Variants in TMPRSS9 observed in about 807,000 individuals in gnomAD.
TMPRSS9 encodes transmembrane protease serine 9.
TMPRSS9 carries 113 observed loss-of-function variants against 111.4 expected under a neutral mutation model. The observed-to-expected ratio is 1.01, with a 90% CI of 0.87 to 1.19. The LOEUF (loss-of-function observed/expected upper bound fraction) is 1.19, where lower values mean the gene tolerates loss of function less well. TMPRSS9 is among the 50% of genes most tolerant of loss of function. TMPRSS9 has a pLI of 0.00. For missense variants in TMPRSS9, 1,803 were observed against 1,513.1 expected, an observed-to-expected ratio of 1.19 and a Z score of -3.18; for synonymous variants, 805 against 659.1, an observed-to-expected ratio of 1.22 and a Z score of -3.39.
intron 1 of TMPRSS9, among the ~76,000 whole-genome samples, chr19:2,363,143 G>A (rs1404003770): frequency 6.6e-6 from 1 of 152,226 alleles, no homozygotes; most frequent in East Asian, 1.9e-4. Flanking sequence ...GCGTGTGAAC[G>A]TGAGTTGGGG....
chr19:2,371,982 C>G (rs1230676901), intron 1 of TMPRSS9, among the ~76,000 whole-genome samples: 1 of 152,138 alleles, frequency 6.6e-6, no homozygotes, highest in Non-Finnish European at 1.5e-5. Context: ...CTCACTGCAA[C>G]CTCCGTCTCC....
intron 4 of TMPRSS9, among the ~76,000 whole-genome samples, chr19:2,401,490 G>A (rs112694896): frequency 1.7e-3 from 263 of 152,318 alleles, no homozygotes; most frequent in African/African-American, 5.9e-3. Context: ...CTGAGGATCG[G>A]TGTTGAAGTA....
At chr19:2,392,345 A>G (rs1970615813) in intron 1 of TMPRSS9, among the ~76,000 whole-genome samples, 1 of 151,032 alleles carries the variant, frequency 6.6e-6, no homozygotes, top group Non-Finnish European at 1.5e-5. Flanking sequence ...GTGAGCTATG[A>G]TCACACCACT....
chr19:2,393,129 C>A (rs537826026), intron 1 of TMPRSS9, among the ~76,000 whole-genome samples: 1 of 152,136 alleles, frequency 6.6e-6, no homozygotes, highest in African/African-American at 2.4e-5. Context: ...GGAATAAAAG[C>A]GGACTGCTGG....
intron 1 of TMPRSS9, among the ~76,000 whole-genome samples, chr19:2,382,156 C>T (rs1453065867): frequency 6.6e-6 from 1 of 152,140 alleles, no homozygotes; most frequent in East Asian, 1.9e-4. Context: ...TTCAGATTAA[C>T]AACCAAAACG....
chr19:2,372,100 G>A (rs1013960943), intron 1 of TMPRSS9, among the ~76,000 whole-genome samples: 3 of 152,062 alleles, frequency 2.0e-5, no homozygotes, highest in East Asian at 1.9e-4. Context: ...CAAGTGATCC[G>A]CCTGCCTTGA....
chr19:2,403,101 C>G (rs1970886867), exon 6 of TMPRSS9: 3 of 1,611,300 alleles, frequency 1.9e-6, no homozygotes, highest in Non-Finnish European at 2.5e-6. Flanking sequence ...CAGGGAACTC[C>G]TTTTCCTGCG....
Position 2,423,457 on chromosome 19 carries a change from TGGTGGGG to T in TMPRSS9, c.2549-622_2549-616del, listed in dbSNP as rs1336965061. 2.2e-4 allele frequency among the ~76,000 whole-genome samples: 8 copies of T among 35,858 alleles called. No homozygotes were observed. In the East Asian group the frequency reaches 4.5e-3, roughly 20 times the overall value. The allele number at this position is 35,858 out of a possible 152,430, so 23.5% of individuals were successfully genotyped here. A position where few individuals can be genotyped will look rare whatever the true frequency, so the allele number is the denominator to read the frequency against. ...TAGCTGCTGCGGGTTGGATGGCGGT[TGGTGGGG>T]GGTGGGGGGCGGGGGGGACCCAGGG... On this transcript the variant is annotated intron_variant, in intron 14 of 17. Transcript: ENST00000648592.
exon 8 of TMPRSS9, chr19:2,408,440 G>A (rs766048751): frequency 2.5e-6 from 4 of 1,613,912 alleles, no homozygotes; most frequent in Non-Finnish European, 3.4e-6. Flanking sequence ...GGGCCCAGGT[G>A]GTCCAGATCG....
rs149959933 is a variant in TMPRSS9, at chr19:2,401,229, G to A, written c.515-746G>A. 2.7e-3 allele frequency among the ~76,000 whole-genome samples: 406 copies of A among 152,136 alleles called. 2 individuals are homozygous for A. Among genetic ancestry groups the A allele is most frequent in the East Asian group, 0.027 (137 of 5,156 alleles). ...GCGGAGCTTGAAGTGAGCCGAGATC[G>A]CGCCACTGCTCTCCAGCCTGGGCGA... On this transcript the variant is annotated intron_variant, in intron 4 of 17. Transcript: ENST00000648592.
At chr19:2,418,355 C>T (rs1390094304) in intron 13 of TMPRSS9, among the ~76,000 whole-genome samples, 1 of 66,088 alleles carries the variant, frequency 1.5e-5, no homozygotes, top group African/African-American at 8.4e-5. Context: ...CTTTCCCTCC[C>T]TCCCTCCCTT....
At position 2,415,774 on chromosome 19, in the gene TMPRSS9, C is replaced by G. The variant is rs371109242; in HGVS notation, c.1678C>G (p.Arg560Gly). 57 of 1,609,988 alleles carry G rather than the reference C, an allele frequency of 3.5e-5. 1 individual carries two copies. Among genetic ancestry groups the G allele is most frequent in the Non-Finnish European group, 4.6e-5 (54 of 1,178,328 alleles). ...GCAGGTCAGCCTGAAGGAAGGGTCC[C>G]GGCACTTCTGCGGAGCAACTGTGGT... The change falls in exon 11 of 18, where the codon CGG becomes GGG. Residue 560 changes from arginine (R) to glycine (G), a missense_variant. By Grantham distance (125) the Arg-to-Gly change is moderately radical (BLOSUM62 -2). Transcript: ENST00000648592.
intron 9 of TMPRSS9, among the ~76,000 whole-genome samples, chr19:2,412,794 TG>T (rs981604667): frequency 7.9e-5 from 12 of 152,172 alleles, no homozygotes; most frequent in Non-Finnish European, 1.5e-4. Context: ...TAAGGCCTGG[TG>T]GGTGAGGAAA....
At position 2,416,678 on chromosome 19, in the gene TMPRSS9, TCCTGGAGCTGG is replaced by T; in HGVS notation, c.1889_1899del (p.Leu630GlnfsTer60). The T allele has an allele frequency of 1.9e-6, 3 of 1,613,144 alleles. No individual in the cohort carries two copies. Among genetic ancestry groups the T allele is most frequent in the Non-Finnish European group, 2.5e-6 (3 of 1,180,008 alleles). On this transcript the variant is annotated frameshift_variant, in exon 12 of 18. Transcript: ENST00000648592. LOFTEE classifies it high-confidence loss of function. ...GGCATCCTGGACTTCGACCTGGCTG[TCCTGGAGCTGG>T]CCAGCCCCCTGGCCTTCAACAAATA...
In TMPRSS9 at chr19:2,377,906, G is replaced by A. The variant is rs562920755; in HGVS notation, c.-25-11855G>A. Among the ~76,000 whole-genome samples the A allele has an allele frequency of 3.0e-4, 45 of 149,952 alleles. No homozygotes were observed. The South Asian group carries it at 9.6e-3, about 32-fold the overall frequency. ...TTTTACAATTTTTTTGCAGAGACAGGGTCTCCCTCTGCCACCCAGGCTGGC... is the reference window on the plus strand; with the variant it reads ...TTTTACAATTTTTTTGCAGAGACAGAGTCTCCCTCTGCCACCCAGGCTGGC... On this transcript the variant is annotated intron_variant, in intron 1 of 17. Transcript: ENST00000649857.
chr19:2,398,122 T>C lies in TMPRSS9; in HGVS notation c.271-673T>C, dbSNP rs1312310757. On this transcript the variant is annotated intron_variant, in intron 2 of 17. Coordinates refer to ENST00000648592, the Ensembl canonical transcript of TMPRSS9. ...CAGCCTGGCCAACATAGTGAAACCC[T>C]GTCCCTACTAAAAAATACAAAAAAT... Among the ~76,000 whole-genome samples the C allele has an allele frequency of 3.7e-5, 5 of 133,446 alleles. No individual in the cohort carries two copies. The South Asian group carries it at 1.1e-3, about 28-fold the overall frequency. 87.5% of individuals were successfully genotyped at this position (133,446 alleles called of 152,430 possible).
upstream of TMPRSS9, among the ~76,000 whole-genome samples, chr19:2,388,065 G>T (rs898285401): frequency 6.6e-6 from 1 of 152,158 alleles, no homozygotes; most frequent in Admixed American, 6.6e-5. Flanking sequence ...AAGAGTCTGT[G>T]GTCACAAATT....
At chr19:2,406,968 T>G (rs1289623418) in intron 7 of TMPRSS9, among the ~76,000 whole-genome samples, 3 of 151,136 alleles carry the variant, frequency 2.0e-5, no homozygotes, top group African/African-American at 7.3e-5. Context: ...GCTGGCTAAT[T>G]TTTGTATTTT....
chr19:2,413,841 C>A, exon 10 of TMPRSS9: 1 of 1,613,750 alleles, frequency 6.2e-7, no homozygotes. Context: ...TGACTGGATC[C>A]TGGAGGCCAC....
Sources: allele counts gnomAD v4.1 joint callset (sites outside exome capture counted in the v4.1 genomes callset), GRCh38; gene constraint gnomAD v4.1.1; transcripts MANE v1.5; gene names NCBI Gene and HGNC (gene_info 2026-07-23, HGNC 2026-07-21).